PEAK1: variants seen among roughly 807,000 people sequenced by gnomAD.
PEAK1 encodes the protein pseudopodium enriched atypical kinase 1.
Under a neutral mutation model 124.7 loss-of-function variants are expected in PEAK1, and 54 were observed. The observed-to-expected ratio is 0.43, with a 90% CI of 0.35 to 0.54. The LOEUF (loss-of-function observed/expected upper bound fraction) is 0.54, where lower values mean the gene tolerates loss of function less well. PEAK1 is among the 20% of genes least tolerant of loss of function. PEAK1 has a pLI of 0.01. For missense variants in PEAK1, 2,046 were observed against 2,134.5 expected, an observed-to-expected ratio of 0.96 and a Z score of 0.82; for synonymous variants, 719 against 760.0, an observed-to-expected ratio of 0.95 and a Z score of 0.89.
intron 2 of PEAK1, among the ~76,000 whole-genome samples, chr15:77,298,307 C>T (rs2152988310): frequency 7.1e-6 from 1 of 140,228 alleles, no homozygotes; most frequent in Non-Finnish European, 1.5e-5. Context: ...CAAGCTCCGC[C>T]TCCCGGATTC....
intron 2 of PEAK1, among the ~76,000 whole-genome samples, chr15:77,332,692 T>C (rs2065964970): frequency 6.6e-6 from 1 of 152,168 alleles, no homozygotes; most frequent in South Asian, 2.1e-4. Flanking sequence ...CCCTGTCCCA[T>C]GGTGGCATTA....
chr15:77,353,179 G>A (rs1210505098), intron 2 of PEAK1, among the ~76,000 whole-genome samples: 1 of 152,144 alleles, frequency 6.6e-6, no homozygotes, highest in Non-Finnish European at 1.5e-5. Context: ...TCCAAGTATC[G>A]ATCGTGTATG....
intron 2 of PEAK1, among the ~76,000 whole-genome samples, chr15:77,355,258 G>A (rs1329803112): frequency 6.6e-6 from 1 of 151,972 alleles, no homozygotes; most frequent in Non-Finnish European, 1.5e-5. Context: ...CAAAACAATG[G>A]AATAAATACA....
At chr15:77,224,303 C>A (rs1390311733) in intron 6 of PEAK1, among the ~76,000 whole-genome samples, 1 of 151,964 alleles carries the variant, frequency 6.6e-6, no homozygotes, top group Non-Finnish European at 1.5e-5. Flanking sequence ...CACACAGATA[C>A]TATCATAATG....
intron 7 of PEAK1, among the ~76,000 whole-genome samples, chr15:77,160,453 G>A (rs1222668529): frequency 3.9e-5 from 6 of 152,052 alleles, no homozygotes; most frequent in South Asian, 4.1e-4. Context: ...TGAGGCGGGC[G>A]GATCACGAGG....
At chr15:77,255,781 A>C (rs2061097241) in intron 5 of PEAK1, among the ~76,000 whole-genome samples, 1 of 152,194 alleles carries the variant, frequency 6.6e-6, no homozygotes, top group African/African-American at 2.4e-5. Context: ...CACCAAACAA[A>C]ATAGTAGGGC....
chr15:77,346,245 C>G, intron 2 of PEAK1: 2 of 926,902 alleles, frequency 2.2e-6, no homozygotes, highest in Non-Finnish European at 1.3e-6. Context: ...AATGTCATCT[C>G]TTCTGAAAAT....
At chr15:77,414,100 G>A (rs1463095687) in intron 1 of PEAK1, among the ~76,000 whole-genome samples, 2 of 101,792 alleles carry the variant, frequency 2.0e-5, no homozygotes, top group East Asian at 2.4e-4. Flanking sequence ...TGGGATTACA[G>A]GAATAAGCCA....
chr15:77,186,753 T>A (rs1203034454), intron 6 of PEAK1, among the ~76,000 whole-genome samples: 1 of 152,172 alleles, frequency 6.6e-6, no homozygotes, highest in Admixed American at 6.5e-5. Context: ...CTAATTATAT[T>A]TGGAGACAAA....
intron 5 of PEAK1, among the ~76,000 whole-genome samples, chr15:77,275,677 C>A (rs1380819244): frequency 6.6e-6 from 1 of 151,514 alleles, no homozygotes; most frequent in South Asian, 2.1e-4. Flanking sequence ...GATTGCAGTG[C>A]AGCCTGGGCG....
At chr15:77,122,453 G>C (rs1274461723) in intron 9 of PEAK1, among the ~76,000 whole-genome samples, 2 of 152,172 alleles carry the variant, frequency 1.3e-5, no homozygotes, top group African/African-American at 2.4e-5. Flanking sequence ...GTTCACACTA[G>C]AGAAACTGAG....
At chr15:77,206,161 AT>A (rs1330245020) in intron 6 of PEAK1, among the ~76,000 whole-genome samples, 2 of 122,230 alleles carry the variant, frequency 1.6e-5, no homozygotes, top group Non-Finnish European at 3.4e-5. Flanking sequence ...TGAACTCATC[AT>A]TTTTTATGGC....
chr15:77,381,211 T>C (rs2069450570), intron 1 of PEAK1: 1 of 982,870 alleles, frequency 1.0e-6, no homozygotes, highest in Non-Finnish European at 1.2e-6. Context: ...TGGGAGACAA[T>C]GGAAGCAAGG....
chr15:77,301,194 T>C (rs2063767650), intron 2 of PEAK1, among the ~76,000 whole-genome samples: 1 of 152,178 alleles, frequency 6.6e-6, no homozygotes, highest in Non-Finnish European at 1.5e-5. Context: ...GGGTGAATCA[T>C]TCCTTGACTC....
At chr15:77,143,984 C>G (rs1596336327) in intron 8 of PEAK1, among the ~76,000 whole-genome samples, 2 of 152,304 alleles carry the variant, frequency 1.3e-5, no homozygotes, top group South Asian at 4.1e-4. Flanking sequence ...ATGTTCTGCC[C>G]ATTTCTCCAA....
intron 1 of PEAK1, among the ~76,000 whole-genome samples, chr15:77,396,916 C>T (rs2070935392): frequency 1.3e-5 from 2 of 152,092 alleles, no homozygotes; most frequent in African/African-American, 4.8e-5. Context: ...ATCATCCAGA[C>T]AGAAAAGAAA....
intron 6 of PEAK1, among the ~76,000 whole-genome samples, chr15:77,246,255 C>T (rs1401913236): frequency 6.6e-6 from 1 of 152,182 alleles, no homozygotes; most frequent in East Asian, 1.9e-4. Flanking sequence ...GATCCGCCTG[C>T]CTCGGCCTCC....
At chr15:77,344,911 G>A (rs890161279) in intron 2 of PEAK1, among the ~76,000 whole-genome samples, 97 of 152,282 alleles carry the variant, frequency 6.4e-4, no homozygotes, top group African/African-American at 2.1e-3. Flanking sequence ...CAGAAACTTC[G>A]CTGAATTGTT....
At chr15:77,282,504 C>T (rs1001694167) in intron 5 of PEAK1, among the ~76,000 whole-genome samples, 7 of 152,090 alleles carry the variant, frequency 4.6e-5, no homozygotes, top group Admixed American at 6.6e-5. Flanking sequence ...AGGCCATCCA[C>T]GTGTACAAAG....
Sources: gnomAD v4.1 joint callset for allele counts (sites outside exome capture counted in the v4.1 genomes callset) on GRCh38, gnomAD v4.1.1 for gene constraint, MANE v1.5 for transcripts, NCBI Gene and HGNC (gene_info 2026-07-23, HGNC 2026-07-21) for gene names.